ADGRL3: variants seen among roughly 807,000 people sequenced by gnomAD.
ADGRL3 encodes the protein adhesion G protein-coupled receptor L3.
ADGRL3 carries 62 observed loss-of-function variants against 153.5 expected under a neutral mutation model. The ratio of observed to expected loss-of-function variants is 0.40; its 90% confidence interval spans 0.33 to 0.50. The LOEUF (loss-of-function observed/expected upper bound fraction) is 0.50, where lower values mean the gene tolerates loss of function less well. Among genes scored for constraint, ADGRL3 ranks in the 20% least tolerant of loss-of-function variants. The probability of loss-of-function intolerance (pLI) is 0.47; values close to 1 mark genes in which losing one functional copy is unlikely to be tolerated. For missense variants in ADGRL3, 1,641 were observed against 1,859.4 expected, an observed-to-expected ratio of 0.88 and a Z score of 2.16; for synonymous variants, 710 against 672.5, an observed-to-expected ratio of 1.06 and a Z score of -0.86.
intron 6 of ADGRL3, among the ~76,000 whole-genome samples, chr4:61,680,448 G>GTGTT (rs1045099583): frequency 3.0e-4 from 38 of 127,112 alleles, no homozygotes; most frequent in African/African-American, 1.1e-3. Context: ...GTGTGTGTGT[G>GTGTT]TTTCCATGGC....
rs188242293 is a variant in ADGRL3 at position 61,285,066 on chromosome 4, C to T, written c.-240+83301C>T. On this transcript the variant is annotated intron_variant, in intron 1 of 26. Coordinates refer to ENST00000683033, the MANE Select transcript of ADGRL3 (RefSeq NM_001387552.1). ...AGGTAGTTACTTGGATATGGAGTCT[C>T]ATAATGAGAGAGAAACTACTTAATC... Among the ~76,000 whole-genome samples, 318 of 151,512 alleles carry T rather than the reference C, an allele frequency of 2.1e-3. 1 individual carries two copies. The highest frequency in any genetic ancestry group is 7.5e-3 in the African/African-American group (309 of 41,408).
chr4:61,747,935 A>G (rs1177900395), intron 8 of ADGRL3, among the ~76,000 whole-genome samples: 4 of 152,180 alleles, frequency 2.6e-5, no homozygotes, highest in Non-Finnish European at 5.9e-5. Context: ...TTTGCAGATG[A>G]CATGATTGTA....
At chr4:61,936,130 A>G in intron 15 of ADGRL3, 85 bp downstream of exon 15, 3 of 1,468,782 alleles carry the variant, frequency 2.0e-6, no homozygotes, top group Non-Finnish European at 2.8e-6. Flanking sequence ...TAGGTCCACT[A>G]TTTAGGAGCT....
chr4:61,845,689 T>C (rs1307294793), intron 9 of ADGRL3, among the ~76,000 whole-genome samples: 1 of 152,006 alleles, frequency 6.6e-6, no homozygotes, highest in African/African-American at 2.4e-5. Context: ...TTAACAATTA[T>C]ATAGTTCTCT....
chr4:61,726,532 G>A (rs2096350360), intron 6 of ADGRL3, among the ~76,000 whole-genome samples: 1 of 151,906 alleles, frequency 6.6e-6, no homozygotes, highest in Admixed American at 6.6e-5. Context: ...TTTAGATCTG[G>A]GATCTTCAAC....
chr4:61,896,170 T>G (rs1269706922), intron 11 of ADGRL3, among the ~76,000 whole-genome samples: 1 of 152,146 alleles, frequency 6.6e-6, no homozygotes, highest in East Asian at 1.9e-4. Context: ...CTTGTGGAAA[T>G]AATTATAATT....
Position 61,755,160 on chromosome 4 carries a change from T to C in ADGRL3, c.1399+21606T>C, listed in dbSNP as rs1458679416. ...GTAATGGGATGGCTGGGTCAAATGGTATTTCTAGTTCTAGATCCCTGAGGA... is the reference window on the plus strand; with the variant it reads ...GTAATGGGATGGCTGGGTCAAATGGCATTTCTAGTTCTAGATCCCTGAGGA... On this transcript the variant is annotated intron_variant, in intron 8 of 26. Transcript: ENST00000683033. 4.6e-5 allele frequency among the ~76,000 whole-genome samples: 7 copies of C among 152,272 alleles called. No individual in the cohort carries two copies. The East Asian group carries it at 1.4e-3, about 29-fold the overall frequency.
intron 6 of ADGRL3, among the ~76,000 whole-genome samples, chr4:61,726,630 C>T (rs530666384): frequency 7.1e-4 from 108 of 152,172 alleles, no homozygotes; most frequent in Admixed American, 3.1e-3. Flanking sequence ...TTTTGCCTTT[C>T]TGCCATATCC....
chr4:61,265,606 G>T (rs2092803591), intron 1 of ADGRL3, among the ~76,000 whole-genome samples: 1 of 151,850 alleles, frequency 6.6e-6, no homozygotes, highest in African/African-American at 2.4e-5. Flanking sequence ...CAGGAGTTTT[G>T]TTTCAGGAGA....
chr4:61,518,837 A>T (rs1283849621), intron 4 of ADGRL3, among the ~76,000 whole-genome samples: 1 of 152,220 alleles, frequency 6.6e-6, no homozygotes, highest in Non-Finnish European at 1.5e-5. Context: ...ACATTCTTTA[A>T]GAACTTCCTA....
At chr4:61,531,205 T>C (rs974261853) in intron 4 of ADGRL3, among the ~76,000 whole-genome samples, 1 of 152,234 alleles carries the variant, frequency 6.6e-6, no homozygotes, top group Admixed American at 6.5e-5. Context: ...TACGCATACA[T>C]GTTCTTTCAC....
At chr4:61,743,511 A>G (rs983956777) in intron 8 of ADGRL3, among the ~76,000 whole-genome samples, 1 of 152,132 alleles carries the variant, frequency 6.6e-6, no homozygotes, top group Non-Finnish European at 1.5e-5. Context: ...AAATAGTACT[A>G]TATTTAGAAA....
At chr4:61,968,692 C>T (rs1057219401) in intron 17 of ADGRL3, among the ~76,000 whole-genome samples, 9 of 152,034 alleles carry the variant, frequency 5.9e-5, no homozygotes, top group African/African-American at 1.4e-4. Context: ...ATTATAAAAC[C>T]GCAATATCAT....
In ADGRL3 at chr4:61,813,815, C is replaced by A; in HGVS notation, c.1406C>A (p.Ala469Glu). 2 of 1,581,552 alleles carry A rather than the reference C, an allele frequency of 1.3e-6. No homozygotes were observed. Among genetic ancestry groups the A allele is most frequent in the Non-Finnish European group, 1.7e-6 (2 of 1,150,528 alleles). Reference sequence around the variant, plus strand: ...ATTTGTTTTGGGTCCACAGGGCAGGCACATCATGGACAAGTTTCATACATT... The same window carrying A: ...ATTTGTTTTGGGTCCACAGGGCAGGAACATCATGGACAAGTTTCATACATT... The part of the protein sequence containing the change: ...FGPLDSRSGQ[A>E]HHGQVSYISP... The change falls in exon 9 of 27, where the codon GCA (alanine) becomes GAA (glutamate). Residue 469 changes from alanine to glutamate, a missense_variant. Physicochemically the swap from Ala to Glu is moderately radical, Grantham distance 107. Transcript: ENST00000683033.
chr4:61,926,578 C>T (rs1353998056), intron 13 of ADGRL3, among the ~76,000 whole-genome samples: 1 of 152,168 alleles, frequency 6.6e-6, no homozygotes, highest in Non-Finnish European at 1.5e-5. Context: ...TAGCAAGTTA[C>T]TTAACTTCCC....
chr4:61,584,071 T>G (rs1230066777), intron 4 of ADGRL3, among the ~76,000 whole-genome samples: 2 of 152,022 alleles, frequency 1.3e-5, no homozygotes, highest in Non-Finnish European at 2.9e-5. Flanking sequence ...AAAACTTTTC[T>G]TAACAAAAAC....
chr4:61,575,234 GT>G (rs1300769994), intron 4 of ADGRL3, among the ~76,000 whole-genome samples: 5 of 151,874 alleles, frequency 3.3e-5, no homozygotes, highest in Admixed American at 2.0e-4. Flanking sequence ...TTAATAATAT[GT>G]TTTCAGCTTC....
chr4:61,224,776 G>A (rs1022295771), intron 1 of ADGRL3, among the ~76,000 whole-genome samples: 8 of 152,302 alleles, frequency 5.3e-5, no homozygotes, highest in Middle Eastern at 3.4e-3. Flanking sequence ...CCCGAGGGAA[G>A]GAATGGTGGA....
intron 1 of ADGRL3, among the ~76,000 whole-genome samples, chr4:61,292,142 A>G (rs932186083): frequency 1.4e-4 from 22 of 151,948 alleles, no homozygotes; most frequent in African/African-American, 5.3e-4. Context: ...TGAAGTCAGC[A>G]TGAACCTCAA....
Sources: gnomAD v4.1 joint callset for allele counts (sites outside exome capture counted in the v4.1 genomes callset) on GRCh38, gnomAD v4.1.1 for gene constraint, MANE v1.5 for transcripts, NCBI Gene and HGNC (gene_info 2026-07-23, HGNC 2026-07-21) for gene names.